Variants in LRRC57 observed in about 807,000 individuals in gnomAD.
The protein encoded by LRRC57 is leucine rich repeat containing 57, also known as leucine-rich repeat-containing protein 57.
LRRC57 carries 14 observed loss-of-function variants against 23.1 expected under a neutral mutation model. The observed-to-expected ratio is 0.61, with a 90% CI of 0.40 to 0.95. The LOEUF is 0.95. Among genes scored for constraint, LRRC57 ranks in the 40% least tolerant of loss-of-function variants. The pLI is 0.00. For missense variants in LRRC57, 236 were observed against 284.4 expected (o/e 0.83, Z 1.22); for synonymous variants, 106 against 115.2 (o/e 0.92, Z 0.51).
At chr15:42,548,266 G>A in intron 2 of LRRC57, 22 bp from the exon 3 acceptor site, 1 of 1,614,188 alleles carries the variant, frequency 6.2e-7, no homozygotes, top group Non-Finnish European at 8.5e-7. Flanking sequence ...AGTTCACAGC[G>A]TGGGGAATCC....
Position 42,547,489 on chromosome 15 carries a change from C to T in LRRC57, c.264G>A (p.Glu88=), listed in dbSNP as rs1278767045. 6.2e-7 allele frequency: 1 copy of T among 1,613,322 alleles called. No homozygotes were observed. Among genetic ancestry groups the T allele is most frequent in the Admixed American group, 1.7e-5 (1 of 59,948 alleles). Residue 88 remains glutamate (E), a synonymous_variant, in exon 4 of 6, where the codon GAG becomes GAA. Coordinates refer to ENST00000397130, the MANE Select transcript of LRRC57 (RefSeq NM_153260.3). ...PDEICNLKKL[E]TLSLNNNHLR... is the part of the protein sequence containing the mutation. Reference sequence around the variant, plus strand: ...GGTGATTGTTGTTTAGGCTTAGCGTCTCTAGTTTTTTCAGATTGCATATCT... The same window carrying T: ...GGTGATTGTTGTTTAGGCTTAGCGTTTCTAGTTTTTTCAGATTGCATATCT...
rs1035612242 is a variant in LRRC57, at chr15:42,543,841, T to G, written c.*242A>C. 1.5e-5 allele frequency: 6 copies of G among 393,128 alleles called. No homozygotes were observed. The highest frequency in any genetic ancestry group is 2.3e-5 in the Non-Finnish European group (5 of 219,456). The allele number at this position is 393,128 out of a possible 1,614,324, so 24.4% of individuals were successfully genotyped here. ...CTAATGATGGTTTTGAAGAGAACCT[T>G]GTCTATTGCCCTACTCATGACTCAA... On this transcript the variant is annotated 3_prime_UTR_variant, in exon 6 of 6. Transcript: ENST00000397130.
chr15:42,536,718 T>C (rs2057602193), downstream of LRRC57, among the ~76,000 whole-genome samples: 1 of 152,236 alleles, frequency 6.6e-6, no homozygotes, highest in African/African-American at 2.4e-5. Flanking sequence ...CATAACATTG[T>C]CTGGAAACTT....
At chr15:42,530,301 G>A in the LRRC57 span, among the ~76,000 whole-genome samples, 1 of 152,126 alleles carries the variant, frequency 6.6e-6, no homozygotes, top group Non-Finnish European at 1.5e-5. Context: ...GAAAGAGTCC[G>A]TAGGTGAAAA....
At chr15:42,531,456 C>T in the LRRC57 span, 1 of 1,599,134 alleles carries the variant, frequency 6.3e-7, no homozygotes, top group South Asian at 1.1e-5. Context: ...AATGCCAGAG[C>T]AAAGAAACTC....
rs1397712463 is a variant in LRRC57, at chr15:42,543,256, G to C, written c.*827C>G. On this transcript the variant is annotated 3_prime_UTR_variant, in exon 6 of 6. Coordinates refer to ENST00000397130, the MANE Select transcript of LRRC57 (RefSeq NM_153260.3). ...ACTCTGTCACCCACGCTGGAGTACAGTGGCATAATCTCGGCTCACTGCAAC... is the reference window on the plus strand; with the variant it reads ...ACTCTGTCACCCACGCTGGAGTACACTGGCATAATCTCGGCTCACTGCAAC... 1.4e-5 allele frequency: 2 copies of C among 146,514 alleles called. No homozygotes were observed. Among genetic ancestry groups the C allele is most frequent in the Non-Finnish European group, 3.0e-5 (2 of 66,436 alleles). The allele number at this position is 146,514 out of a possible 1,614,324, so 9.1% of individuals were successfully genotyped here. A position where few individuals can be genotyped will look rare whatever the true frequency, so the allele number is the denominator to read the frequency against.
chr15:42,544,838 C>CTATAT (rs1484623621), intron 5 of LRRC57, among the ~76,000 whole-genome samples: 7,799 of 108,468 alleles, frequency 0.072, 341 homozygotes, highest in South Asian at 0.13. Context: ...CACACACACA[C>CTATAT]ACACTATATA....
At chr15:42,548,606 C>G in intron 1 of LRRC57, 87 bp downstream of exon 1, 2 of 672,090 alleles carry the variant, frequency 3.0e-6, no homozygotes, top group South Asian at 1.9e-5. Flanking sequence ...ACACACAGCC[C>G]GACCACCAAG....
chr15:42,529,274 T>G, the LRRC57 span, among the ~76,000 whole-genome samples: 1 of 152,196 alleles, frequency 6.6e-6, no homozygotes, highest in Non-Finnish European at 1.5e-5. Context: ...GGGCAGTGCT[T>G]CTTTAGATAG....
rs750150624 is a variant in LRRC57, at chr15:42,545,100, G to C, written c.655C>G (p.Arg219Gly). The C allele has an allele frequency of 6.2e-7, 1 of 1,600,292 alleles. No homozygotes were observed. The highest frequency in any genetic ancestry group is 8.5e-7 in the Non-Finnish European group (1 of 1,174,822). The change falls in exon 5 of 6, where the codon CGA becomes GGA. Residue 219 changes from arginine to glycine, a missense_variant. Physicochemically the swap from Arg to Gly is moderately radical, Grantham distance 125. Coordinates refer to ENST00000397130, the MANE Select transcript of LRRC57 (RefSeq NM_153260.3). ...EGNLFEIKKLRELEGYDKYME... is the reference protein window; with the variant it reads ...EGNLFEIKKLGELEGYDKYME... ...ACCTTATCATAGCCTTCCAGTTCTC[G>C]AAGTTTCTTTATTTCAAAAAGATTG...
chr15:42,544,052 T>C lies in LRRC57; in HGVS notation c.*31A>G. 6.2e-7 allele frequency: 1 copy of C among 1,602,904 alleles called. No individual in the cohort carries two copies. The highest frequency in any genetic ancestry group is 1.1e-5 in the South Asian group (1 of 90,468). On this transcript the variant is annotated 3_prime_UTR_variant, in exon 6 of 6. Transcript: ENST00000397130. Reference sequence around the variant, plus strand: ...TTCCAACAGAGGTTCTAAGTCAGTATCCTGTAAGGTTTCCATAGTCCTGGA... The same window carrying C: ...TTCCAACAGAGGTTCTAAGTCAGTACCCTGTAAGGTTTCCATAGTCCTGGA...
rs1022365472 is a variant in LRRC57 at position 42,540,825 on chromosome 15, C to T, written c.*3258G>A. ...GGTGGATCACCTGAGGTCAGGAGTT[C>T]GAGACTAGCCTGGCCAACATGGTGA... On this transcript the variant is annotated 3_prime_UTR_variant, in exon 6 of 6. Transcript: ENST00000397130. The T allele has an allele frequency of 6.6e-6, 1 of 152,044 alleles. No homozygotes were observed. The highest frequency in any genetic ancestry group is 2.4e-5 in the African/African-American group (1 of 41,384). 9.4% of individuals were successfully genotyped at this position (152,044 alleles called of 1,614,324 possible).
At chr15:42,544,744 G>A (rs1425948175) in intron 5 of LRRC57, among the ~76,000 whole-genome samples, 3 of 150,456 alleles carry the variant, frequency 2.0e-5, no homozygotes, top group Non-Finnish European at 4.4e-5. Context: ...AGCCCAGGAG[G>A]TGAAGGCTGC....
At chr15:42,547,649 A>C in intron 3 of LRRC57, 120 bp from the exon 4 acceptor site, 1 of 876,496 alleles carries the variant, frequency 1.1e-6, no homozygotes, top group Non-Finnish European at 1.8e-6. Context: ...TAAAACTCCC[A>C]CATGTGCCAT....
chr15:42,542,350 G>C lies in LRRC57; in HGVS notation c.*1733C>G, dbSNP rs2057634913. 6.6e-6 allele frequency: 1 copy of C among 152,072 alleles called. No homozygotes were observed. The highest frequency in any genetic ancestry group is 2.1e-4 in the South Asian group (1 of 4,818). 9.4% of individuals were successfully genotyped at this position (152,072 alleles called of 1,614,324 possible). A position where few individuals can be genotyped will look rare whatever the true frequency, so the allele number is the denominator to read the frequency against. On this transcript the variant is annotated 3_prime_UTR_variant, in exon 6 of 6. Transcript: ENST00000397130. ...GCGTGAGCCACCGCGCCCAACCTCAGATTCTCTTAATAAGCATAGTTCTAG... is the reference window on the plus strand; with the variant it reads ...GCGTGAGCCACCGCGCCCAACCTCACATTCTCTTAATAAGCATAGTTCTAG...
the LRRC57 span, chr15:42,531,370 G>T: frequency 1.2e-5 from 16 of 1,346,078 alleles, no homozygotes; most frequent in African/African-American, 2.3e-4. Flanking sequence ...ATTTTTATTA[G>T]AGTTACTTAC....
intron 5 of LRRC57, 108 bp downstream of exon 5, chr15:42,544,969 G>A (rs2057651702): frequency 4.8e-6 from 4 of 841,086 alleles, no homozygotes; most frequent in Non-Finnish European, 7.2e-6. Context: ...TTCCAAAATG[G>A]GGAAGAACAA....
At chr15:42,531,335 A>T in the LRRC57 span, 1 of 901,464 alleles carries the variant, frequency 1.1e-6, no homozygotes, top group Non-Finnish European at 1.6e-6. Flanking sequence ...TTGGTGTGTC[A>T]GTTACTCCAA....
chr15:42,545,448 C>T (rs1040212020), intron 4 of LRRC57, 186 bp from the exon 5 acceptor site: 32 of 377,990 alleles, frequency 8.5e-5, no homozygotes, highest in South Asian at 2.6e-4. Context: ...TCTGTTACTA[C>T]GCCCCCACTT....
Sources: allele counts gnomAD v4.1 joint callset (sites outside exome capture counted in the v4.1 genomes callset), GRCh38; gene constraint gnomAD v4.1.1; transcripts MANE v1.5; gene names NCBI Gene and HGNC (gene_info 2026-07-23, HGNC 2026-07-21).